Variants in MALRD1 observed in about 807,000 individuals in gnomAD.
MALRD1 encodes MAM and LDL receptor class A domain containing 1.
MALRD1 carries 247 observed loss-of-function variants against 242.1 expected under a neutral mutation model. The ratio of observed to expected loss-of-function variants is 1.02; its 90% confidence interval spans 0.92 to 1.13. The LOEUF is 1.13. Ranked by LOEUF, MALRD1 falls within the 50% of genes most tolerant of loss-of-function variation. MALRD1 has a pLI of 0.00. For missense variants in MALRD1, 2,989 were observed against 2,533.1 expected, an observed-to-expected ratio of 1.18 and a Z score of -3.86; for synonymous variants, 995 against 866.6, an observed-to-expected ratio of 1.15 and a Z score of -2.60.
intron 29 of MALRD1, among the ~76,000 whole-genome samples, chr10:19,479,328 G>T (rs1836884144): frequency 6.6e-6 from 1 of 152,172 alleles, no homozygotes; most frequent in Non-Finnish European, 1.5e-5. Flanking sequence ...TGGATAGATG[G>T]GTCTGAGGCA....
At chr10:19,207,059 A>G (rs917896154) in intron 17 of MALRD1, among the ~76,000 whole-genome samples, 2 of 152,176 alleles carry the variant, frequency 1.3e-5, no homozygotes, top group African/African-American at 4.8e-5. Context: ...TTTCCAAGAC[A>G]GATGATTTAT....
rs1836273099 is a variant in MALRD1, at chr10:19,566,700, T to C, written c.5479-802T>C. 2.0e-5 allele frequency among the ~76,000 whole-genome samples: 3 copies of C among 151,202 alleles called. No individual in the cohort carries two copies. In the South Asian group the frequency reaches 6.2e-4, roughly 31 times the overall value. On this transcript the variant is annotated intron_variant, in intron 32 of 39. Transcript: ENST00000454679. ...ATAGTATTTTATATATATATATCTGTATATGGTATGATGTTTAAATATTGC... is the reference window on the plus strand; with the variant it reads ...ATAGTATTTTATATATATATATCTGCATATGGTATGATGTTTAAATATTGC...
At chr10:19,137,699 T>C (rs139753413) in intron 10 of MALRD1, among the ~76,000 whole-genome samples, 7 of 152,144 alleles carry the variant, frequency 4.6e-5, no homozygotes, top group Non-Finnish European at 1.0e-4. Flanking sequence ...TTTCAGGCCT[T>C]TTCTGAAGAG....
chr10:19,635,417 A>G (rs1200031856), intron 36 of MALRD1, among the ~76,000 whole-genome samples: 1 of 152,190 alleles, frequency 6.6e-6, no homozygotes, highest in East Asian at 1.9e-4. Flanking sequence ...TAAAAAGTTC[A>G]AAAGCAGCTG....
intron 21 of MALRD1, among the ~76,000 whole-genome samples, chr10:19,304,334 C>CTT: frequency 6.7e-6 from 1 of 149,004 alleles, no homozygotes; most frequent in Non-Finnish European, 1.5e-5. Flanking sequence ...CTGTCTATCC[C>CTT]TCATCTCTCT....
At chr10:19,385,013 G>A (rs1320930889) in intron 26 of MALRD1, among the ~76,000 whole-genome samples, 1 of 151,782 alleles carries the variant, frequency 6.6e-6, no homozygotes, top group East Asian at 1.9e-4. Flanking sequence ...TGCATCTATT[G>A]AAATGATCAT....
chr10:19,582,594 G>GTATCTA, intron 33 of MALRD1, among the ~76,000 whole-genome samples: 1 of 138,148 alleles, frequency 7.2e-6, no homozygotes, highest in African/African-American at 2.6e-5. Flanking sequence ...CTCTGTTTTG[G>GTATCTA]TACCAGTACC....
In MALRD1 at chr10:19,362,010, A is replaced by G. The variant is rs574971401; in HGVS notation, c.4441+9713A>G. ...CCTTCCAGGCTTGGTTTTAATCTTT[A>G]TTCTAATTCTGCAATCTGATGAGTC... is the stretch of plus-strand genomic sequence containing the variant. On this transcript the variant is annotated intron_variant, in intron 26 of 39. Coordinates refer to ENST00000454679, the MANE Select transcript of MALRD1 (RefSeq NM_001142308.3). 5.3e-5 allele frequency among the ~76,000 whole-genome samples: 8 copies of G among 152,190 alleles called. No individual in the cohort carries two copies. The South Asian group carries it at 1.7e-3, about 32-fold the overall frequency.
chr10:19,427,396 G>C (rs1388560935), intron 28 of MALRD1, among the ~76,000 whole-genome samples: 2 of 152,078 alleles, frequency 1.3e-5, no homozygotes, highest in Non-Finnish European at 2.9e-5. Flanking sequence ...TTCTCACCCT[G>C]GTGTTTCAGC....
chr10:19,338,045 A>G (rs1843685792), intron 24 of MALRD1, among the ~76,000 whole-genome samples: 1 of 143,552 alleles, frequency 7.0e-6, no homozygotes, highest in African/African-American at 2.6e-5. Context: ...CTGGTGACAG[A>G]GCAAGATTCT....
Position 19,394,622 on chromosome 10 carries a change from C to A in MALRD1, c.4845+5013C>A, listed in dbSNP as rs139781546. Among the ~76,000 whole-genome samples, 1,295 of 152,248 alleles carry A rather than the reference C, an allele frequency of 8.5e-3. 17 individuals are homozygous for A. Among genetic ancestry groups the A allele is most frequent in the African/African-American group, 0.03 (1,237 of 41,550 alleles). On this transcript the variant is annotated intron_variant, in intron 28 of 39. Transcript: ENST00000454679. ...GCTCTCTGCATCCATCCAAACCCAC[C>A]TCCACCCCATCCTCTGCACGCATAT... is the stretch of plus-strand genomic sequence containing the variant.
chr10:19,398,316 G>A (rs931256845), intron 28 of MALRD1, among the ~76,000 whole-genome samples: 14 of 151,938 alleles, frequency 9.2e-5, no homozygotes, highest in Non-Finnish European at 1.8e-4. Flanking sequence ...ATGTTGGTTA[G>A]GAAAGAATGA....
chr10:19,128,535 G>A, intron 8 of MALRD1, 148 bp downstream of exon 8: 1 of 475,238 alleles, frequency 2.1e-6, no homozygotes, highest in Non-Finnish European at 3.3e-6. Context: ...GAATGATTAA[G>A]AAACTAGGAT....
At chr10:19,379,973 A>ATT (rs35629873) in intron 26 of MALRD1, among the ~76,000 whole-genome samples, 125 of 130,606 alleles carry the variant, frequency 9.6e-4, no homozygotes, top group African/African-American at 2.8e-3. Context: ...TTTTTATTTA[A>ATT]TTTTTTTTTT....
chr10:19,443,566 A>G (rs1454309838), intron 28 of MALRD1, among the ~76,000 whole-genome samples: 1 of 152,054 alleles, frequency 6.6e-6, no homozygotes, highest in African/African-American at 2.4e-5. Flanking sequence ...TTCTGCTTTC[A>G]TTTTGTTATG....
intron 36 of MALRD1, among the ~76,000 whole-genome samples, chr10:19,641,791 T>G (rs746882990): frequency 3.2e-4 from 49 of 152,148 alleles, no homozygotes; most frequent in Non-Finnish European, 1.3e-4. Flanking sequence ...ACAAGTGTAT[T>G]TTACAAAATA....
At chr10:19,714,488 C>T (rs987776779) in intron 38 of MALRD1, among the ~76,000 whole-genome samples, 5 of 152,036 alleles carry the variant, frequency 3.3e-5, no homozygotes, top group African/African-American at 7.2e-5. Flanking sequence ...GGTTTTTATA[C>T]GCACAGGATG....
rs951784092 is a variant in MALRD1, at chr10:19,516,064, G to T, written c.5321-15130G>T. 2.6e-5 allele frequency among the ~76,000 whole-genome samples: 4 copies of T among 152,086 alleles called. No individual in the cohort carries two copies. In the East Asian group the frequency reaches 7.7e-4, roughly 29 times the overall value. On this transcript the variant is annotated intron_variant, in intron 31 of 39. Coordinates refer to ENST00000454679, the MANE Select transcript of MALRD1 (RefSeq NM_001142308.3). ...CATTGCTGACAAATTTTTTAATATAGAGATAACATAAGCTTGTTTTACTAA... is the reference window on the plus strand; with the variant it reads ...CATTGCTGACAAATTTTTTAATATATAGATAACATAAGCTTGTTTTACTAA...
At chr10:19,577,289 G>A (rs1030410778) in intron 33 of MALRD1, among the ~76,000 whole-genome samples, 7 of 152,106 alleles carry the variant, frequency 4.6e-5, no homozygotes, top group Non-Finnish European at 1.0e-4. Context: ...ATCTATTATT[G>A]TGGGTCATGA....
Sources: gnomAD v4.1 joint callset for allele counts (sites outside exome capture counted in the v4.1 genomes callset) on GRCh38, gnomAD v4.1.1 for gene constraint, MANE v1.5 for transcripts, NCBI Gene and HGNC (gene_info 2026-07-23, HGNC 2026-07-21) for gene names.